The following ACAT2 variants were observed in gnomAD, a reference collection of about 807,000 sequenced individuals.
The protein encoded by ACAT2 is acetyl-CoA acetyltransferase 2.
A neutral mutation model predicts 37.1 loss-of-function variants in ACAT2; 26 were observed. The observed-to-expected ratio is 0.70, with a 90% CI of 0.51 to 0.97. ACAT2 has a LOEUF of 0.97. ACAT2 is among the 50% of genes least tolerant of loss of function. The pLI, the probability that ACAT2 is intolerant of heterozygous loss-of-function variation, is 0.00. For synonymous variants in ACAT2, 156 were observed against 163.6 expected, an observed-to-expected ratio of 0.95 and a Z score of 0.35; for missense variants, 468 against 489.0, an observed-to-expected ratio of 0.96 and a Z score of 0.40.
intron 4 of ACAT2, among the ~76,000 whole-genome samples, chr6:159,768,902 G>A (rs573219935): frequency 6.6e-6 from 1 of 152,340 alleles, no homozygotes; most frequent in Admixed American, 6.5e-5. Context: ...TAGTGCTTCT[G>A]TGGCAGAGGT....
rs369261908 is a variant in ACAT2 at position 159,778,154 on chromosome 6, T to C, written c.913-16T>C. The stretch of plus-strand genomic sequence containing the variant: ...CACCCAAGTTTAGACCTCTTTTCTA[T>C]GAATCTTTCCTCTAGGTTACAAAAG... On this transcript the variant is annotated splice_polypyrimidine_tract_variant and intron_variant, in intron 7 of 8. Coordinates refer to ENST00000367048, the MANE Select transcript of ACAT2 (RefSeq NM_005891.3). The C allele has an allele frequency of 1.1e-4, 177 of 1,570,782 alleles. No individual in the cohort carries two copies. Among genetic ancestry groups the C allele is most frequent in the Non-Finnish European group, 1.4e-4 (160 of 1,146,050 alleles).
Position 159,763,039 on chromosome 6 carries a change from A to G in ACAT2, c.176A>G (p.His59Arg). 1 of 1,611,698 alleles carries G rather than the reference A, an allele frequency of 6.2e-7. No individual in the cohort carries two copies. Among genetic ancestry groups the G allele is most frequent in the Non-Finnish European group, 8.5e-7 (1 of 1,179,190 alleles). Residue 59 changes from histidine (H) to arginine (R), a missense_variant, in exon 2 of 9, where the codon CAT (histidine) becomes CGT (arginine). By Grantham distance (29) the His-to-Arg change is conservative. Transcript: ENST00000367048. ...GATGTGTCTGAGGTCATCTTTGGAC[A>G]TGTCTTGGCAGCAGGTAAGTCTCAG... ...PEDVSEVIFG[H>R]VLAAGCGQNP...
chr6:159,766,876 G>T, intron 2 of ACAT2, 129 bp from the exon 3 acceptor site: 2 of 1,063,690 alleles, frequency 1.9e-6, no homozygotes, highest in South Asian at 1.5e-5. Flanking sequence ...TGCCTCCAGT[G>T]GGCACTTACT....
intron 2 of ACAT2, among the ~76,000 whole-genome samples, chr6:159,763,756 C>T (rs1328651460): frequency 6.9e-6 from 1 of 145,538 alleles, no homozygotes; most frequent in African/African-American, 2.5e-5. Context: ...TCTCCTGCCT[C>T]AGCCTCCCGA....
In ACAT2 at chr6:159,778,654, G is replaced by T. The variant is rs200892543; in HGVS notation, c.1024-5G>T. On this transcript the variant is annotated splice_region_variant and splice_polypyrimidine_tract_variant and intron_variant, in intron 8 of 8. Coordinates refer to ENST00000367048, the MANE Select transcript of ACAT2 (RefSeq NM_005891.3). ...AAACAATCTAAATCTTTTCTCCCCC[G>T]TTAGGTCAATATTGAAGGAGGGGCT... is the stretch of plus-strand genomic sequence containing the variant. The T allele has an allele frequency of 5.6e-5, 90 of 1,613,380 alleles. No individual in the cohort carries two copies. Among genetic ancestry groups the T allele is most frequent in the Non-Finnish European group, 3.6e-5 (42 of 1,179,628 alleles).
intron 2 of ACAT2, among the ~76,000 whole-genome samples, chr6:159,763,629 C>CT (rs765044833): frequency 0.073 from 5,536 of 76,092 alleles, 1,322 homozygotes; most frequent in African/African-American, 0.18. Context: ...TTTTCTTTTC[C>CT]TTTTTTTTTT....
At chr6:159,769,997 G>T (rs1204490706) in intron 4 of ACAT2, among the ~76,000 whole-genome samples, 1 of 152,214 alleles carries the variant, frequency 6.6e-6, no homozygotes, top group Non-Finnish European at 1.5e-5. Flanking sequence ...GGACAAGCGA[G>T]TGGAAACCTT....
intron 4 of ACAT2, among the ~76,000 whole-genome samples, chr6:159,773,260 G>A (rs555997516): frequency 6.6e-6 from 1 of 152,194 alleles, no homozygotes; most frequent in African/African-American, 2.4e-5. Context: ...ATGAACTCAA[G>A]GTGTTACCAT....
In ACAT2 at chr6:159,768,586, G is replaced by C. The variant is rs745792101; in HGVS notation, c.448G>C (p.Gly150Arg). Reference sequence around the variant, plus strand: ...ACTGACTGACAGTATACTCTGTGATGGTCTTACAGATGCATTTCACAACTG... The same window carrying C: ...ACTGACTGACAGTATACTCTGTGATCGTCTTACAGATGCATTTCACAACTG... ...MPLTDSILCD[G>R]LTDAFHNCHM... Residue 150 changes from glycine (G) to arginine (R), a missense_variant, in exon 4 of 9, where the codon GGT (glycine) becomes CGT (arginine). Coordinates refer to ENST00000367048, the MANE Select transcript of ACAT2 (RefSeq NM_005891.3). 1.2e-6 allele frequency: 2 copies of C among 1,613,674 alleles called. No homozygotes were observed. Among genetic ancestry groups the C allele is most frequent in the Non-Finnish European group, 1.7e-6 (2 of 1,179,628 alleles).
chr6:159,765,384 G>T (rs931134204), intron 2 of ACAT2, among the ~76,000 whole-genome samples: 1 of 151,122 alleles, frequency 6.6e-6, no homozygotes, highest in African/African-American at 2.4e-5. Context: ...CCAAAGTGCT[G>T]GGATTACAGG....
intron 2 of ACAT2, 95 bp downstream of exon 2, chr6:159,763,148 T>A: frequency 6.8e-7 from 1 of 1,480,944 alleles, no homozygotes; most frequent in Non-Finnish European, 9.0e-7. Flanking sequence ...ACACACTCTC[T>A]CACTCACTCA....
At position 159,767,774 on chromosome 6, in the gene ACAT2, G is replaced by A. The variant is rs1259536315; in HGVS notation, c.372+588G>A. On this transcript the variant is annotated intron_variant, in intron 3 of 8. Coordinates refer to ENST00000367048, the MANE Select transcript of ACAT2 (RefSeq NM_005891.3). ...TGAGGTGCAGATTCCCTAGATAGAA[G>A]CTGATTCAGCCCAGCCATTGCTGAG... is the stretch of plus-strand genomic sequence containing the variant. Among the ~76,000 whole-genome samples, 3 of 152,340 alleles carry A rather than the reference G, an allele frequency of 2.0e-5. No homozygotes were observed. In the East Asian group the frequency reaches 5.8e-4, roughly 29 times the overall value.
Position 159,777,200 on chromosome 6 carries a change from A to AGGTAAAATCAGTT in ACAT2, c.758-92_758-91insGTTGGTAAAATCA, listed in dbSNP as rs1206206503. 11 of 1,297,442 alleles carry AGGTAAAATCAGTT rather than the reference A, an allele frequency of 8.5e-6. No homozygotes were observed. The African/African-American group carries it at 1.5e-4, about 18-fold the overall frequency. The allele number at this position is 1,297,442 out of a possible 1,614,324, so 80.4% of individuals were successfully genotyped here. On this transcript the variant is annotated intron_variant, in intron 6 of 8. Coordinates refer to ENST00000367048, the MANE Select transcript of ACAT2 (RefSeq NM_005891.3). ...AATTATAGTAAATGCCTTAGCCAAC[A>AGGTAAAATCAGTT]GGTAAAATCATTTAACTCATGTCTT...
chr6:159,762,099 C>A lies in ACAT2; in HGVS notation c.12C>A (p.Gly4=). 6.2e-7 allele frequency: 1 copy of A among 1,613,336 alleles called. No individual in the cohort carries two copies. The highest frequency in any genetic ancestry group is 1.7e-4 in the Middle Eastern group (1 of 6,052). Residue 4 remains glycine, a synonymous_variant, in exon 1 of 9, where the codon GGC becomes GGA. Transcript: ENST00000367048. The part of the protein sequence containing the change: MNA[G]SDPVVIVSAA... ...GCAGGAGAAGCAAGATGAATGCAGG[C>A]TCAGATCCTGTGGTCATCGTCTCGG...
chr6:159,771,273 G>A (rs1312529514), intron 4 of ACAT2, among the ~76,000 whole-genome samples: 2 of 152,038 alleles, frequency 1.3e-5, no homozygotes, highest in African/African-American at 4.8e-5. Flanking sequence ...CCAGCTACTC[G>A]GGAGGCTGAG....
chr6:159,775,312 AG>A lies in ACAT2; in HGVS notation c.634+1del. 6.2e-7 allele frequency: 1 copy of A among 1,614,078 alleles called. No homozygotes were observed. The highest frequency in any genetic ancestry group is 2.2e-5 in the East Asian group (1 of 44,892). ...IVPVLVSTRK[G>X]LIEVKTDEFP... is the part of the protein sequence containing the mutation. ...TACCAGTTTTGGTGTCAACTAGAAAAGGTGAGTATATCATAGTGGTTTAAAC... is the reference window on the plus strand; with the variant it reads ...TACCAGTTTTGGTGTCAACTAGAAAAGTGAGTATATCATAGTGGTTTAAAC... On this transcript the variant is annotated frameshift_variant and splice_region_variant, in exon 5 of 9. Transcript: ENST00000367048. LOFTEE classifies it high-confidence loss of function.
At chr6:159,769,834 A>G (rs1190898632) in intron 4 of ACAT2, among the ~76,000 whole-genome samples, 1 of 152,118 alleles carries the variant, frequency 6.6e-6, no homozygotes, top group Non-Finnish European at 1.5e-5. Flanking sequence ...GGGGGAGAAG[A>G]AAAAAAGAGC....
chr6:159,775,377 T>G, intron 5 of ACAT2, 64 bp downstream of exon 5: 1 of 1,536,858 alleles, frequency 6.5e-7, no homozygotes, highest in Non-Finnish European at 8.9e-7. Context: ...TCTAAAAGAG[T>G]AATACATAGG....
chr6:159,772,817 A>G (rs1219675289), intron 4 of ACAT2, among the ~76,000 whole-genome samples: 1 of 152,080 alleles, frequency 6.6e-6, no homozygotes, highest in Non-Finnish European at 1.5e-5. Context: ...AACAAAAAAA[A>G]AAAAAAAGAA....
Sources: gnomAD v4.1 joint callset for allele counts (sites outside exome capture counted in the v4.1 genomes callset) on GRCh38, gnomAD v4.1.1 for gene constraint, MANE v1.5 for transcripts, NCBI Gene and HGNC (gene_info 2026-07-23, HGNC 2026-07-21) for gene names.